Variants in TIAM1 observed in about 807,000 individuals in gnomAD.
The protein encoded by TIAM1 is rho guanine nucleotide exchange factor TIAM1.
TIAM1 carries 65 observed loss-of-function variants against 163.5 expected under a neutral mutation model. The ratio of observed to expected loss-of-function variants is 0.40; its 90% CI spans 0.33 to 0.49. TIAM1 has a LOEUF of 0.49. Ranked by LOEUF, TIAM1 falls within the 20% of genes least tolerant of loss-of-function variation. The probability of loss-of-function intolerance (pLI) is 0.77; values close to 1 mark genes in which losing one functional copy is unlikely to be tolerated. For missense variants in TIAM1, 1,789 were observed against 2,044.7 expected (o/e 0.87, Z 2.41); for synonymous variants, 833 against 810.1 (o/e 1.03, Z -0.48).
chr21:31,410,614 G>A (rs916102413), intron 2 of TIAM1, among the ~76,000 whole-genome samples: 1 of 151,958 alleles, frequency 6.6e-6, no homozygotes, highest in African/African-American at 2.4e-5. Flanking sequence ...AGAGTGAATT[G>A]AGTGTTAGTG....
intron 1 of TIAM1, among the ~76,000 whole-genome samples, chr21:31,545,005 T>C (rs751990169): frequency 6.7e-6 from 1 of 149,186 alleles, no homozygotes; most frequent in East Asian, 1.9e-4. Context: ...AGAGTGAGAC[T>C]CCGTCTCAAA....
chr21:31,226,113 A>C lies in TIAM1; in HGVS notation c.1585-163T>G, dbSNP rs183467851. 1.1e-3 allele frequency among the ~76,000 whole-genome samples: 160 copies of C among 152,344 alleles called. 3 individuals are homozygous for C. In the South Asian group the frequency reaches 0.011, roughly 10 times the overall value. ...CCTCCTCTTTCTTCAGGAAATCAGT[A>C]ACAAAAAGTGAGTCTCAGGTCAGAT... is the stretch of plus-strand genomic sequence containing the variant. On this transcript the variant is annotated intron_variant, in intron 6 of 27. Coordinates refer to ENST00000541036, the MANE Select transcript of TIAM1 (RefSeq NM_001353694.2).
chr21:31,147,043 C>T (rs1176260569), intron 19 of TIAM1, 40 bp from the exon 20 acceptor site: 2 of 1,559,930 alleles, frequency 1.3e-6, no homozygotes, highest in Non-Finnish European at 1.8e-6. Flanking sequence ...TTGTTTCCTT[C>T]CTCCACTGGA....
At chr21:31,238,806 A>T (rs1376694217) in intron 6 of TIAM1, among the ~76,000 whole-genome samples, 5 of 152,230 alleles carry the variant, frequency 3.3e-5, no homozygotes. Context: ...GTATACTCAG[A>T]CAATAAAAGG....
intron 1 of TIAM1, among the ~76,000 whole-genome samples, chr21:31,523,466 A>G (rs2047674567): frequency 6.6e-6 from 1 of 152,230 alleles, no homozygotes; most frequent in Admixed American, 6.5e-5. Context: ...TGAGGAAGGA[A>G]GACTAATAGT....
chr21:31,172,593 G>C (rs2084567703), intron 15 of TIAM1, among the ~76,000 whole-genome samples: 1 of 152,170 alleles, frequency 6.6e-6, no homozygotes, highest in Non-Finnish European at 1.5e-5. Context: ...CAGGCATGCA[G>C]CAGGGGACCG....
At chr21:31,247,286 G>A (rs1011481356) in intron 5 of TIAM1, among the ~76,000 whole-genome samples, 9 of 151,884 alleles carry the variant, frequency 5.9e-5, no homozygotes, top group African/African-American at 2.2e-4. Context: ...ACTCCAGCCT[G>A]GGCAACAGAG....
At chr21:31,419,085 C>T (rs2043475190) in intron 2 of TIAM1, among the ~76,000 whole-genome samples, 1 of 152,204 alleles carries the variant, frequency 6.6e-6, no homozygotes, top group African/African-American at 2.4e-5. Context: ...CTGGAATCAA[C>T]TCAGCCTGAG....
intron 24 of TIAM1, 90 bp from the exon 25 acceptor site, chr21:31,130,405 A>C: frequency 1.0e-4 from 104 of 1,033,868 alleles, no homozygotes; most frequent in Non-Finnish European, 1.5e-4. Flanking sequence ...ACAGACTCTC[A>C]CGCAGTAACT....
intron 8 of TIAM1, among the ~76,000 whole-genome samples, chr21:31,221,339 AG>A (rs1043268990): frequency 2.0e-5 from 3 of 152,238 alleles, no homozygotes; most frequent in African/African-American, 7.2e-5. Context: ...TGACAAAGCG[AG>A]CAAAAACCCA....
chr21:31,434,380 G>T (rs1220596132), intron 2 of TIAM1, among the ~76,000 whole-genome samples: 2 of 152,174 alleles, frequency 1.3e-5, no homozygotes, highest in East Asian at 3.9e-4. Flanking sequence ...CTTAGCACAG[G>T]GAGAGGGAAC....
intron 6 of TIAM1, among the ~76,000 whole-genome samples, chr21:31,233,719 T>G (rs1258650769): frequency 2.6e-5 from 4 of 152,082 alleles, no homozygotes; most frequent in African/African-American, 9.7e-5. Flanking sequence ...AAAAGACAAC[T>G]TTAAATTTGA....
At chr21:31,501,167 C>A (rs894130986) in intron 1 of TIAM1, among the ~76,000 whole-genome samples, 1 of 152,024 alleles carries the variant, frequency 6.6e-6, no homozygotes, top group African/African-American at 2.4e-5. Flanking sequence ...AAAGATACAG[C>A]GAAAGAAGGA....
At chr21:31,447,856 G>A (rs1052996000) in intron 2 of TIAM1, among the ~76,000 whole-genome samples, 3 of 152,204 alleles carry the variant, frequency 2.0e-5, no homozygotes, top group Admixed American at 6.5e-5. Context: ...GTGTGATTAT[G>A]GAGGTTAACA....
intron 5 of TIAM1, among the ~76,000 whole-genome samples, chr21:31,247,275 C>T (rs1305130008): frequency 6.6e-6 from 1 of 151,922 alleles, no homozygotes. Context: ...CATGCCACTG[C>T]ACTCCAGCCT....
intron 2 of TIAM1, among the ~76,000 whole-genome samples, chr21:31,360,393 T>C (rs1440881240): frequency 6.6e-6 from 1 of 151,994 alleles, no homozygotes; most frequent in Non-Finnish European, 1.5e-5. Flanking sequence ...TCTAATGTCC[T>C]TGTATTATCT....
chr21:31,175,841 C>CA (rs1234078030), intron 15 of TIAM1, among the ~76,000 whole-genome samples: 1 of 152,164 alleles, frequency 6.6e-6, no homozygotes, highest in Non-Finnish European at 1.5e-5. Context: ...TTAGGTGATC[C>CA]ACCTGCCTCG....
At chr21:31,297,252 T>C (rs1360219678) in intron 2 of TIAM1, among the ~76,000 whole-genome samples, 3 of 152,206 alleles carry the variant, frequency 2.0e-5, no homozygotes, top group Non-Finnish European at 4.4e-5. Context: ...ATTCCACTAA[T>C]GCGGGGTACC....
intron 15 of TIAM1, among the ~76,000 whole-genome samples, chr21:31,168,705 A>G (rs1439618474): frequency 2.6e-5 from 4 of 152,130 alleles, no homozygotes; most frequent in Non-Finnish European, 5.9e-5. Flanking sequence ...AGGCCCCCTG[A>G]CATTCTAATC....
Sources: allele counts gnomAD v4.1 joint callset (sites outside exome capture counted in the v4.1 genomes callset), GRCh38; gene constraint gnomAD v4.1.1; transcripts MANE v1.5; gene names NCBI Gene and HGNC (gene_info 2026-07-23, HGNC 2026-07-21).